Variants in ZBTB20 observed in about 807,000 individuals in gnomAD.
ZBTB20 encodes zinc finger and BTB domain containing 20, also known as zinc finger and BTB domain-containing protein 20.
A neutral mutation model predicts 56.9 loss-of-function variants in ZBTB20; 9 were observed. That is an observed-to-expected ratio of 0.16 (90% CI 0.10 to 0.28). The LOEUF is 0.28. Among genes scored for constraint, ZBTB20 ranks in the 10% least tolerant of loss-of-function variants. The pLI is 1.00. For synonymous variants in ZBTB20, 417 were observed against 420.7 expected (o/e 0.99, Z 0.11); for missense variants, 655 against 1,003.0 (o/e 0.65, Z 4.69).
At chr3:114,657,777 C>T (rs752352480) in intron 6 of ZBTB20, among the ~76,000 whole-genome samples, 7 of 152,158 alleles carry the variant, frequency 4.6e-5, no homozygotes, top group Admixed American at 3.3e-4. Flanking sequence ...GGTCACTCTC[C>T]GGTGCCTTCA....
chr3:114,909,606 G>A (rs148818711), intron 3 of ZBTB20, among the ~76,000 whole-genome samples: 4 of 151,948 alleles, frequency 2.6e-5, no homozygotes, highest in African/African-American at 7.2e-5. Flanking sequence ...TCCATTCACG[G>A]TATTAATTAT....
chr3:114,970,057 T>C (rs571133058), intron 3 of ZBTB20, among the ~76,000 whole-genome samples: 1 of 152,362 alleles, frequency 6.6e-6, no homozygotes, highest in Non-Finnish European at 1.5e-5. Flanking sequence ...TGTCATTCCG[T>C]TGGGCCAGCC....
At chr3:114,881,644 G>C (rs1359931086) in intron 4 of ZBTB20, among the ~76,000 whole-genome samples, 1 of 151,762 alleles carries the variant, frequency 6.6e-6, no homozygotes, top group African/African-American at 2.4e-5. Context: ...ATAGACATCA[G>C]GGATTGATAA....
At chr3:114,950,820 T>C (rs1407899103) in intron 3 of ZBTB20, among the ~76,000 whole-genome samples, 2 of 152,148 alleles carry the variant, frequency 1.3e-5, no homozygotes, top group African/African-American at 2.4e-5. Context: ...ATTGTGATTA[T>C]ATTAATACAT....
chr3:114,522,624 T>G (rs1475363768), intron 6 of ZBTB20, among the ~76,000 whole-genome samples: 1 of 151,960 alleles, frequency 6.6e-6, no homozygotes, highest in African/African-American at 2.4e-5. Flanking sequence ...GGGTAAGAAA[T>G]GATAGTTGCT....
intron 3 of ZBTB20, among the ~76,000 whole-genome samples, chr3:114,934,475 A>T (rs1346615505): frequency 6.6e-6 from 1 of 152,194 alleles, no homozygotes; most frequent in African/African-American, 2.4e-5. Flanking sequence ...ATATTTTTGA[A>T]CCATAGTATC....
chr3:114,444,392 C>T (rs1208047330), intron 7 of ZBTB20, among the ~76,000 whole-genome samples: 7 of 152,126 alleles, frequency 4.6e-5, no homozygotes, highest in Non-Finnish European at 2.9e-5. Flanking sequence ...CTCAGAATGC[C>T]TTATCCTCAT....
chr3:114,961,635 T>C (rs767437244), intron 3 of ZBTB20, among the ~76,000 whole-genome samples: 1 of 152,120 alleles, frequency 6.6e-6, no homozygotes, highest in Non-Finnish European at 1.5e-5. Flanking sequence ...TCTGTAGTAG[T>C]GCAACTAATG....
chr3:114,802,338 T>C (rs1189737229), intron 4 of ZBTB20, among the ~76,000 whole-genome samples: 1 of 151,936 alleles, frequency 6.6e-6, no homozygotes, highest in Non-Finnish European at 1.5e-5. Context: ...GCATATGTAG[T>C]TCTTACTTGG....
intron 5 of ZBTB20, among the ~76,000 whole-genome samples, chr3:114,752,762 G>C (rs997890347): frequency 6.6e-6 from 1 of 152,072 alleles, no homozygotes; most frequent in South Asian, 2.1e-4. Flanking sequence ...TCCTTACTCT[G>C]TCTGCCTCAG....
At chr3:114,938,937 G>T (rs1418090430) in intron 3 of ZBTB20, among the ~76,000 whole-genome samples, 2 of 145,474 alleles carry the variant, frequency 1.4e-5, no homozygotes, top group Admixed American at 1.3e-4. Flanking sequence ...TGTTGGTAGG[G>T]AGTCCCTGAA....
intron 6 of ZBTB20, among the ~76,000 whole-genome samples, chr3:114,673,998 C>T (rs1266982018): frequency 6.6e-6 from 1 of 151,994 alleles, no homozygotes; most frequent in Admixed American, 6.6e-5. Context: ...TTTAGGAAAC[C>T]AAAATATATA....
chr3:114,844,550 A>AAAAAAAAC (rs1560313393), intron 4 of ZBTB20, among the ~76,000 whole-genome samples: 3 of 141,576 alleles, frequency 2.1e-5, no homozygotes, highest in African/African-American at 8.2e-5. Flanking sequence ...AAAAAAAAAA[A>AAAAAAAAC]AACTTTCATT....
chr3:114,424,494 A>C (rs1194261257), intron 7 of ZBTB20, among the ~76,000 whole-genome samples: 1 of 152,218 alleles, frequency 6.6e-6, no homozygotes, highest in Non-Finnish European at 1.5e-5. Flanking sequence ...CGCCAAAAAG[A>C]AGGAGAAATA....
At chr3:114,847,290 A>G (rs2074758077) in intron 4 of ZBTB20, among the ~76,000 whole-genome samples, 1 of 150,468 alleles carries the variant, frequency 6.6e-6, no homozygotes, top group Admixed American at 6.6e-5. Context: ...TTCATGAGAA[A>G]AAAAAAAAAA....
Position 114,571,477 on chromosome 3 carries a change from C to T in ZBTB20, c.-294-71086G>A, listed in dbSNP as rs149105535. Among the ~76,000 whole-genome samples, 55 of 152,272 alleles carry T rather than the reference C, an allele frequency of 3.6e-4. 2 individuals are homozygous for T. In the East Asian group the frequency reaches 9.6e-3, roughly 27 times the overall value. ...CTCAGGTTTTCCCAATTGACTCTGCCTTCCCTATTCTTTTTTTCTGCCTTC... is the reference window on the plus strand; with the variant it reads ...CTCAGGTTTTCCCAATTGACTCTGCTTTCCCTATTCTTTTTTTCTGCCTTC... On this transcript the variant is annotated intron_variant, in intron 6 of 11. Transcript: ENST00000675478.
At chr3:115,002,621 A>G (rs530654119) in intron 2 of ZBTB20, among the ~76,000 whole-genome samples, 2 of 151,776 alleles carry the variant, frequency 1.3e-5, no homozygotes, top group African/African-American at 2.4e-5. Flanking sequence ...GAGAATTGCA[A>G]ATTAAAACAA....
At chr3:114,584,553 C>T (rs2107511640) in intron 6 of ZBTB20, among the ~76,000 whole-genome samples, 1 of 151,668 alleles carries the variant, frequency 6.6e-6, no homozygotes, top group East Asian at 1.9e-4. Context: ...TCTCTTCTCA[C>T]ACCCTTCCCA....
chr3:114,670,511 T>C (rs1035754021), intron 6 of ZBTB20, among the ~76,000 whole-genome samples: 7 of 152,046 alleles, frequency 4.6e-5, no homozygotes, highest in African/African-American at 1.7e-4. Flanking sequence ...GAGATGGAGA[T>C]AGAGAAGGTA....
Sources: allele counts gnomAD v4.1 joint callset (sites outside exome capture counted in the v4.1 genomes callset), GRCh38; gene constraint gnomAD v4.1.1; transcripts MANE v1.5; gene names NCBI Gene and HGNC (gene_info 2026-07-23, HGNC 2026-07-21).